Variants in ZMAT4 observed in about 807,000 individuals in gnomAD.
ZMAT4 encodes zinc finger matrin-type protein 4.
In ZMAT4, 17 loss-of-function variants were observed where a neutral mutation model predicts 28.7. The ratio of observed to expected loss-of-function variants is 0.59; its 90% CI spans 0.41 to 0.89. ZMAT4 has a LOEUF of 0.89. ZMAT4 is among the 40% of genes least tolerant of loss of function. The pLI, the probability that ZMAT4 is intolerant of heterozygous loss-of-function variation, is 0.00. For synonymous variants in ZMAT4, 117 were observed against 109.2 expected, an observed-to-expected ratio of 1.07 and a Z score of -0.44; for missense variants, 240 against 283.8, an observed-to-expected ratio of 0.85 and a Z score of 1.11.
At chr8:40,633,294 G>A (rs868286280) in intron 5 of ZMAT4, among the ~76,000 whole-genome samples, 3 of 152,194 alleles carry the variant, frequency 2.0e-5, no homozygotes, top group Admixed American at 6.5e-5. Context: ...CAAAAACCAA[G>A]CCTGAGCAAT....
intron 3 of ZMAT4, among the ~76,000 whole-genome samples, chr8:40,734,122 C>A (rs1462615193): frequency 3.9e-5 from 6 of 152,168 alleles, no homozygotes; most frequent in African/African-American, 1.4e-4. Flanking sequence ...ATGAGGATAG[C>A]AAGCTACAAG....
chr8:40,820,246 A>C (rs557135251), intron 2 of ZMAT4, among the ~76,000 whole-genome samples: 1 of 143,738 alleles, frequency 7.0e-6, no homozygotes, highest in South Asian at 2.3e-4. Flanking sequence ...ACGTGTGCGC[A>C]TATATGTGAG....
chr8:40,776,174 A>T (rs950902365), intron 2 of ZMAT4, among the ~76,000 whole-genome samples: 2 of 152,238 alleles, frequency 1.3e-5, no homozygotes, highest in South Asian at 2.1e-4. Flanking sequence ...TTCTTCTTCT[A>T]CACAGCAATC....
rs1022895780 is a variant in ZMAT4, at chr8:40,803,722, C to T, written c.102+21853G>A. On this transcript the variant is annotated intron_variant, in intron 2 of 6. Transcript: ENST00000297737. ...TTCCATATAATCCAGAAATCACACT[C>T]GTTGGTATATAGCCAAAGGAGTGAA... Among the ~76,000 whole-genome samples the T allele has an allele frequency of 3.3e-5, 5 of 152,122 alleles. No homozygotes were observed. The South Asian group carries it at 1.0e-3, about 32-fold the overall frequency.
intron 1 of ZMAT4, among the ~76,000 whole-genome samples, chr8:40,828,773 C>G (rs1404377812): frequency 6.6e-6 from 1 of 152,012 alleles, no homozygotes; most frequent in African/African-American, 2.4e-5. Context: ...GGCTTTCCCT[C>G]CAGAAAAAGA....
intron 1 of ZMAT4, among the ~76,000 whole-genome samples, chr8:40,847,664 A>T (rs1816957301): frequency 6.6e-6 from 1 of 152,124 alleles, no homozygotes; most frequent in Non-Finnish European, 1.5e-5. Flanking sequence ...CAGATCACAG[A>T]CTGCTTTCCC....
chr8:40,565,021 T>A (rs1388707046), intron 6 of ZMAT4, among the ~76,000 whole-genome samples: 1 of 152,174 alleles, frequency 6.6e-6, no homozygotes, highest in Non-Finnish European at 1.5e-5. Flanking sequence ...TGCTACCAAT[T>A]CCTTAAATGA....
intron 5 of ZMAT4, among the ~76,000 whole-genome samples, chr8:40,586,269 A>C (rs1804669662): frequency 6.6e-6 from 1 of 152,206 alleles, no homozygotes; most frequent in Non-Finnish European, 1.5e-5. Flanking sequence ...TTAAACCAAA[A>C]AATGCTAACT....
chr8:40,621,099 A>G (rs143422844), intron 5 of ZMAT4, among the ~76,000 whole-genome samples: 5 of 152,304 alleles, frequency 3.3e-5, no homozygotes, highest in South Asian at 2.1e-4. Context: ...AAGAGTGAGT[A>G]CCATGAAGAA....
chr8:40,849,685 G>A (rs757985530), intron 1 of ZMAT4, among the ~76,000 whole-genome samples: 4 of 152,140 alleles, frequency 2.6e-5, no homozygotes, highest in African/African-American at 4.8e-5. Flanking sequence ...GCACCAAGAC[G>A]GGAGAGAGGG....
At chr8:40,759,680 G>A (rs1232147068) in intron 3 of ZMAT4, among the ~76,000 whole-genome samples, 1 of 152,134 alleles carries the variant, frequency 6.6e-6, no homozygotes, top group Non-Finnish European at 1.5e-5. Context: ...TAAAACAAGG[G>A]TCGACTGTCT....
intron 5 of ZMAT4, among the ~76,000 whole-genome samples, chr8:40,668,468 CAAAAA>C (rs71224843): frequency 1.2e-5 from 1 of 85,018 alleles, no homozygotes. Flanking sequence ...GACTTTGTCT[CAAAAA>C]AAAAAAAAAA....
intron 1 of ZMAT4, chr8:40,884,884 G>T (rs942390180): frequency 2.6e-5 from 4 of 152,242 alleles, no homozygotes; most frequent in Non-Finnish European, 5.9e-5. Context: ...CCGTGCTGCA[G>T]CAGCAATGCT....
chr8:40,735,075 G>A (rs1246847533), intron 3 of ZMAT4, among the ~76,000 whole-genome samples: 2 of 152,272 alleles, frequency 1.3e-5, no homozygotes, highest in East Asian at 3.9e-4. Flanking sequence ...GTGACAGTTT[G>A]AATTGCCCAC....
chr8:40,843,390 C>T (rs1186657367), intron 1 of ZMAT4, among the ~76,000 whole-genome samples: 1 of 152,126 alleles, frequency 6.6e-6, no homozygotes, highest in East Asian at 1.9e-4. Flanking sequence ...CTCATGGGGC[C>T]CTGTGTCCAG....
chr8:40,639,518 C>G (rs1354879657), intron 5 of ZMAT4, among the ~76,000 whole-genome samples: 2 of 151,986 alleles, frequency 1.3e-5, no homozygotes, highest in Non-Finnish European at 2.9e-5. Context: ...AATAGAAAGA[C>G]AAAAATCTCA....
chr8:40,665,608 T>C (rs1659504160), intron 5 of ZMAT4, among the ~76,000 whole-genome samples: 1 of 152,200 alleles, frequency 6.6e-6, no homozygotes, highest in Non-Finnish European at 1.5e-5. Context: ...AAATAATCCA[T>C]TCCCAGAAAA....
intron 1 of ZMAT4, among the ~76,000 whole-genome samples, chr8:40,871,540 T>A (rs144778942): frequency 1.9e-3 from 292 of 152,272 alleles, no homozygotes; most frequent in African/African-American, 6.6e-3. Context: ...TCCACTGAGC[T>A]GCAGAGAAGG....
At chr8:40,710,553 A>G (rs1585918603) in intron 3 of ZMAT4, among the ~76,000 whole-genome samples, 1 of 152,232 alleles carries the variant, frequency 6.6e-6, no homozygotes, top group Non-Finnish European at 1.5e-5. Context: ...AAATTTCCCT[A>G]GCACTCAAAA....
Sources: allele counts gnomAD v4.1 joint callset (sites outside exome capture counted in the v4.1 genomes callset), GRCh38; gene constraint gnomAD v4.1.1; transcripts MANE v1.5; gene names NCBI Gene and HGNC (gene_info 2026-07-23, HGNC 2026-07-21).